FMNL2: variants seen among roughly 807,000 people sequenced by gnomAD.
FMNL2 encodes formin-like protein 2.
Under a neutral mutation model 130.2 loss-of-function variants are expected in FMNL2, and 51 were observed. That is an observed-to-expected ratio of 0.39 (90% CI 0.31 to 0.49). FMNL2 has a LOEUF of 0.49. Among genes scored for constraint, FMNL2 ranks in the 20% least tolerant of loss-of-function variants. The probability of loss-of-function intolerance (pLI) is 0.85; values close to 1 mark genes in which losing one functional copy is unlikely to be tolerated. For synonymous variants in FMNL2, 465 were observed against 467.1 expected (o/e 1.00, Z 0.06); for missense variants, 977 against 1,316.2 (o/e 0.74, Z 3.99).
rs574302074 is a variant in FMNL2 at position 152,412,716 on chromosome 2, G to A, written c.117+76996G>A. On this transcript the variant is annotated intron_variant, in intron 1 of 25. Coordinates refer to ENST00000288670, the MANE Select transcript of FMNL2 (RefSeq NM_052905.4). ...CCAGCTACTTGGGAGGCTGAGGTGG[G>A]AGGATCACTTGAACTCAGGAGGTGA... Among the ~76,000 whole-genome samples, 451 of 151,750 alleles carry A rather than the reference G, an allele frequency of 3.0e-3. 3 individuals carry two copies. The highest frequency in any genetic ancestry group is 4.5e-3 in the Non-Finnish European group (304 of 67,940).
chr2:152,508,263 G>C (rs1298021849), intron 1 of FMNL2, among the ~76,000 whole-genome samples: 1 of 151,802 alleles, frequency 6.6e-6, no homozygotes, highest in East Asian at 1.9e-4. Flanking sequence ...GATTTTAAAG[G>C]CTTGTTTAGG....
intron 7 of FMNL2, among the ~76,000 whole-genome samples, chr2:152,576,511 A>ATTTTAC (rs1696489166): frequency 6.6e-6 from 1 of 152,194 alleles, no homozygotes; most frequent in Non-Finnish European, 1.5e-5. Flanking sequence ...TACTCTCCCC[A>ATTTTAC]TTTTACTGAT....
rs1300204412 is a variant in FMNL2, at chr2:152,553,111, G to T, written c.359+4014G>T. Reference sequence around the variant, plus strand: ...AGGGAAGATGCTGAGGAACTGCTTAGTTGATGTCTTCTCTCCTGCCCACCA... The same window carrying T: ...AGGGAAGATGCTGAGGAACTGCTTATTTGATGTCTTCTCTCCTGCCCACCA... On this transcript the variant is annotated intron_variant, in intron 4 of 25. Transcript: ENST00000288670. 2.0e-5 allele frequency among the ~76,000 whole-genome samples: 3 copies of T among 152,140 alleles called. No homozygotes were observed. In the East Asian group the frequency reaches 5.8e-4, roughly 29 times the overall value.
At position 152,527,865 on chromosome 2, in the gene FMNL2, C is replaced by T. The variant is rs141975217; in HGVS notation, c.201+5839C>T. 8.5e-4 allele frequency among the ~76,000 whole-genome samples: 130 copies of T among 152,112 alleles called. No individual in the cohort carries two copies. The East Asian group carries it at 0.019, about 23-fold the overall frequency. ...GTATCTTAACTTGTATCTTCTTTGC[C>T]CAGGCCCAGGATAAATCATTTCTCC... On this transcript the variant is annotated intron_variant, in intron 2 of 25. Transcript: ENST00000288670.
At chr2:152,475,344 A>G (rs529228127) in intron 1 of FMNL2, among the ~76,000 whole-genome samples, 1 of 152,352 alleles carries the variant, frequency 6.6e-6, no homozygotes, top group African/African-American at 2.4e-5. Flanking sequence ...TGATATTTAG[A>G]TGTGAATATG....
intron 9 of FMNL2, among the ~76,000 whole-genome samples, chr2:152,593,328 A>G (rs187548523): frequency 6.6e-6 from 1 of 152,192 alleles, no homozygotes; most frequent in Non-Finnish European, 1.5e-5. Flanking sequence ...TCACAGTTAC[A>G]TAATACTTTA....
chr2:152,593,858 AGAGTGT>A (rs1313541434), intron 9 of FMNL2, among the ~76,000 whole-genome samples: 5 of 101,580 alleles, frequency 4.9e-5, no homozygotes, highest in Non-Finnish European at 7.6e-5. Context: ...AGAGAGAGAG[AGAGTGT>A]GTGTGTGTGT....
At chr2:152,361,940 A>G (rs1683204312) in intron 1 of FMNL2, among the ~76,000 whole-genome samples, 1 of 152,178 alleles carries the variant, frequency 6.6e-6, no homozygotes, top group South Asian at 2.1e-4. Flanking sequence ...CATACCTATA[A>G]ATACTTTTTT....
chr2:152,567,098 A>G (rs756779557), intron 6 of FMNL2, among the ~76,000 whole-genome samples: 8 of 152,164 alleles, frequency 5.3e-5, no homozygotes, highest in Non-Finnish European at 8.8e-5. Flanking sequence ...TATGGGAAGA[A>G]CATAGAAATA....
intron 9 of FMNL2, among the ~76,000 whole-genome samples, chr2:152,605,867 C>A (rs1046786985): frequency 1.3e-5 from 2 of 152,196 alleles, no homozygotes; most frequent in African/African-American, 4.8e-5. Flanking sequence ...TAAGGATTTA[C>A]CCCCGGTGGT....
At chr2:152,625,779 A>T (rs1191330646) in intron 16 of FMNL2, among the ~76,000 whole-genome samples, 1 of 152,178 alleles carries the variant, frequency 6.6e-6, no homozygotes, top group Non-Finnish European at 1.5e-5. Context: ...ATTGGAATAA[A>T]TGCTTTTGAG....
In FMNL2 at chr2:152,381,887, A is replaced by C. The variant is rs886519276; in HGVS notation, c.117+46167A>C. 6.6e-5 allele frequency among the ~76,000 whole-genome samples: 10 copies of C among 151,644 alleles called. 1 individual carries two copies. Among genetic ancestry groups the C allele is most frequent in the Admixed American group, 2.6e-4 (4 of 15,252 alleles). On this transcript the variant is annotated intron_variant, in intron 1 of 25. Transcript: ENST00000288670. ...CAGTAGCACAATCACGGCTCACTGC[A>C]GCCAGGCTCAATAGATCTGCCCACC...
At chr2:152,412,335 AT>A (rs890862061) in intron 1 of FMNL2, among the ~76,000 whole-genome samples, 42 of 150,884 alleles carry the variant, frequency 2.8e-4, no homozygotes, top group African/African-American at 9.0e-4. Context: ...AGGATCAAAA[AT>A]TTGCAGTTTA....
intron 12 of FMNL2, among the ~76,000 whole-genome samples, chr2:152,616,657 A>G (rs1220857997): frequency 6.6e-6 from 1 of 152,200 alleles, no homozygotes; most frequent in African/African-American, 2.4e-5. Flanking sequence ...CAAACCAAGC[A>G]GTAGTTGTTT....
At chr2:152,632,956 G>A (rs1682275834) in intron 21 of FMNL2, among the ~76,000 whole-genome samples, 1 of 152,152 alleles carries the variant, frequency 6.6e-6, no homozygotes, top group African/African-American at 2.4e-5. Context: ...GAATTTTGGA[G>A]GGTGAGGCCT....
intron 8 of FMNL2, among the ~76,000 whole-genome samples, chr2:152,580,656 G>C (rs949142798): frequency 2.0e-5 from 3 of 152,004 alleles, no homozygotes; most frequent in African/African-American, 7.3e-5. Context: ...TTTTTCATCT[G>C]TATTGTACTG....
chr2:152,507,419 T>C (rs1452434029), intron 1 of FMNL2, among the ~76,000 whole-genome samples: 2 of 152,220 alleles, frequency 1.3e-5, no homozygotes, highest in African/African-American at 4.8e-5. Context: ...TGAACACTTA[T>C]GTCAGGCACT....
At chr2:152,499,357 G>A (rs923254112) in intron 1 of FMNL2, among the ~76,000 whole-genome samples, 2 of 152,198 alleles carry the variant, frequency 1.3e-5, no homozygotes, top group African/African-American at 2.4e-5. Flanking sequence ...CCAGCCTTGA[G>A]GCCTGGCTTC....
At chr2:152,566,071 T>C (rs1023023391) in intron 6 of FMNL2, among the ~76,000 whole-genome samples, 1 of 152,208 alleles carries the variant, frequency 6.6e-6, no homozygotes, top group African/African-American at 2.4e-5. Context: ...TGAGCCACCA[T>C]GCCTAGCCAA....
Sources: allele counts gnomAD v4.1 joint callset (sites outside exome capture counted in the v4.1 genomes callset), GRCh38; gene constraint gnomAD v4.1.1; transcripts MANE v1.5; gene names NCBI Gene and HGNC (gene_info 2026-07-23, HGNC 2026-07-21).